RBM47: variants seen among roughly 807,000 people sequenced by gnomAD.
RBM47 encodes RNA binding motif protein 47.
A neutral mutation model predicts 47.1 loss-of-function variants in RBM47; 21 were observed. That is an observed-to-expected ratio of 0.45 (90% CI 0.32 to 0.64). The LOEUF (loss-of-function observed/expected upper bound fraction) is 0.64. Ranked by LOEUF, RBM47 falls within the 30% of genes least tolerant of loss-of-function variation. The probability of loss-of-function intolerance (pLI) is 0.05; values close to 1 mark genes in which losing one functional copy is unlikely to be tolerated. For synonymous variants in RBM47, 375 were observed against 361.7 expected, an observed-to-expected ratio of 1.04 and a Z score of -0.42; for missense variants, 708 against 870.9, an observed-to-expected ratio of 0.81 and a Z score of 2.35.
intron 2 of RBM47, among the ~76,000 whole-genome samples, chr4:40,474,416 A>G (rs1719328796): frequency 6.6e-6 from 1 of 152,214 alleles, no homozygotes; most frequent in South Asian, 2.1e-4. Flanking sequence ...GATCTTGAGA[A>G]TGGCAGACGT....
At position 40,427,540 on chromosome 4, in the gene RBM47, T is replaced by C. The variant is rs549745323; in HGVS notation, c.1543-1397A>G. The C allele has an allele frequency of 7.9e-5, 12 of 152,320 alleles. No homozygotes were observed. In the East Asian group the frequency reaches 2.3e-3, roughly 29 times the overall value. The allele number at this position is 152,320 out of a possible 1,614,324, so 9.4% of individuals were successfully genotyped here. ...GAACTAGTTCTGTGAGATGCTTCAT[T>C]GAAAAGAGATTCTGAATAAAATAAA... On this transcript the variant is annotated intron_variant, in intron 6 of 6. Coordinates refer to ENST00000295971, the MANE Select transcript of RBM47 (RefSeq NM_001098634.2).
intron 2 of RBM47, among the ~76,000 whole-genome samples, chr4:40,533,196 G>A (rs539251647): frequency 1.3e-5 from 2 of 152,306 alleles, no homozygotes; most frequent in Admixed American, 6.5e-5. Context: ...CACTCTGGGA[G>A]ACCAAGGTAG....
In RBM47 at chr4:40,526,989, C is replaced by T. The variant is rs76775907; in HGVS notation, c.-155+17433G>A. ...TAGTACAAAACCTCACCAGGTTTGA[C>T]GAAGGCAACTACCTCTCCATCTGAC... On this transcript the variant is annotated intron_variant, in intron 2 of 6. Transcript: ENST00000295971. Among the ~76,000 whole-genome samples the T allele has an allele frequency of 6.1e-3, 925 of 152,052 alleles. 8 individuals carry two copies. Among genetic ancestry groups the T allele is most frequent in the African/African-American group, 0.018 (731 of 41,486 alleles).
rs576507134 is a variant in RBM47 at position 40,479,812 on chromosome 4, T to C, written c.-154-13113A>G. Among the ~76,000 whole-genome samples, 45 of 151,806 alleles carry C rather than the reference T, an allele frequency of 3.0e-4. No individual in the cohort carries two copies. In the South Asian group the frequency reaches 9.4e-3, roughly 32 times the overall value. On this transcript the variant is annotated intron_variant, in intron 2 of 6. Coordinates refer to ENST00000295971, the MANE Select transcript of RBM47 (RefSeq NM_001098634.2). ...CATTGTGCCCAGAGGTACAACTGTT[T>C]TAAAGATTAAAATTATTCATCACAT...
In RBM47 at chr4:40,479,429, C is replaced by G. The variant is rs1052959908; in HGVS notation, c.-154-12730G>C. 2.0e-5 allele frequency among the ~76,000 whole-genome samples: 3 copies of G among 151,750 alleles called. No individual in the cohort carries two copies. The East Asian group carries it at 5.9e-4, about 30-fold the overall frequency. ...ACCAGCCTGGGGAACATAGTGAGAC[C>G]CCATCTCTACAAATAATAAAAAAAT... On this transcript the variant is annotated intron_variant, in intron 2 of 6. Coordinates refer to ENST00000295971, the MANE Select transcript of RBM47 (RefSeq NM_001098634.2).
At chr4:40,545,666 A>AAAATAAATTAAATAAAT (rs1728963383) in intron 1 of RBM47, among the ~76,000 whole-genome samples, 2 of 133,606 alleles carry the variant, frequency 1.5e-5, no homozygotes, top group Non-Finnish European at 3.2e-5. Context: ...CTCCTTCTCA[A>AAAATAAATTAAATAAAT]AAATAAATAA....
chr4:40,550,619 A>C (rs965914800), intron 1 of RBM47, among the ~76,000 whole-genome samples: 108 of 152,204 alleles, frequency 7.1e-4, no homozygotes, highest in South Asian at 6.6e-3. Context: ...GAGTTTCACC[A>C]TGTGGGCCAG....
intron 2 of RBM47, among the ~76,000 whole-genome samples, chr4:40,472,427 A>G (rs939354371): frequency 3.9e-5 from 6 of 152,104 alleles, no homozygotes; most frequent in African/African-American, 4.8e-5. Context: ...ACAAAAAATT[A>G]GCCAGGCATG....
chr4:40,430,201 C>A (rs1715741728), intron 6 of RBM47, among the ~76,000 whole-genome samples: 1 of 121,980 alleles, frequency 8.2e-6, no homozygotes, highest in Non-Finnish European at 1.6e-5. Flanking sequence ...TCGCAAAAAA[C>A]AAACAAACAA....
At chr4:40,570,708 A>G (rs1485150101) in intron 1 of RBM47, among the ~76,000 whole-genome samples, 1 of 152,100 alleles carries the variant, frequency 6.6e-6, no homozygotes, top group East Asian at 1.9e-4. Context: ...TAAATACTGC[A>G]TAAAATAATC....
intron 2 of RBM47, among the ~76,000 whole-genome samples, chr4:40,484,747 T>A (rs997374218): frequency 6.6e-6 from 1 of 152,224 alleles, no homozygotes; most frequent in Non-Finnish European, 1.5e-5. Flanking sequence ...TTTTCCTTTG[T>A]AACTCTCTTC....
intron 2 of RBM47, among the ~76,000 whole-genome samples, chr4:40,530,372 T>C (rs187571724): frequency 6.6e-6 from 1 of 152,138 alleles, no homozygotes; most frequent in Non-Finnish European, 1.5e-5. Context: ...GGTACAATCT[T>C]AGCTCACTGC....
intron 2 of RBM47, among the ~76,000 whole-genome samples, chr4:40,497,347 G>C (rs1722741602): frequency 6.6e-6 from 1 of 152,076 alleles, no homozygotes; most frequent in Non-Finnish European, 1.5e-5. Flanking sequence ...GGCCGGGCAT[G>C]GTGGCTCAAG....
rs1715003038 is a variant in RBM47 at position 40,426,136 on chromosome 4, G to T, written c.1550C>A (p.Pro517Gln). ...AGCCACCGTGTATACTGGAGTTATTGGGCGGCCCTGAGGAGAAGAGACAAA... is the reference window on the plus strand; with the variant it reads ...AGCCACCGTGTATACTGGAGTTATTTGGCGGCCCTGAGGAGAAGAGACAAA... ...VSTPPPFQGR[P>Q]ITPVYTVAPN... The change falls in exon 7 of 7, where the codon CCA becomes CAA. Residue 517 changes from proline (P) to glutamine (Q), a missense_variant. Pro to Gln is a moderately conservative substitution (Grantham distance 76). Coordinates refer to ENST00000295971, the MANE Select transcript of RBM47 (RefSeq NM_001098634.2). 1.9e-6 allele frequency: 3 copies of T among 1,613,956 alleles called. No homozygotes were observed. Among genetic ancestry groups the T allele is most frequent in the Non-Finnish European group, 2.5e-6 (3 of 1,179,948 alleles).
intron 2 of RBM47, among the ~76,000 whole-genome samples, chr4:40,485,333 G>A (rs561005925): frequency 6.6e-6 from 1 of 152,208 alleles, no homozygotes; most frequent in South Asian, 2.1e-4. Flanking sequence ...CCTGTTTGGT[G>A]AACAACTCTG....
At chr4:40,497,839 C>A (rs114827610) in intron 2 of RBM47, among the ~76,000 whole-genome samples, 1,773 of 148,366 alleles carry the variant, frequency 0.012, 42 homozygotes, top group African/African-American at 0.042. Flanking sequence ...AAAAATTAGT[C>A]AGGTGTGGTG....
At chr4:40,623,193 G>A (rs1175826011) in intron 1 of RBM47, among the ~76,000 whole-genome samples, 1 of 152,148 alleles carries the variant, frequency 6.6e-6, no homozygotes, top group African/African-American at 2.4e-5. Flanking sequence ...TTACTCATTG[G>A]CAAACTGACA....
chr4:40,536,248 C>T (rs1727968650), intron 2 of RBM47, among the ~76,000 whole-genome samples: 1 of 152,196 alleles, frequency 6.6e-6, no homozygotes, highest in Non-Finnish European at 1.5e-5. Flanking sequence ...GCAGCAACCA[C>T]TGACACACTT....
At chr4:40,453,227 AG>A (rs142158025) in intron 3 of RBM47, among the ~76,000 whole-genome samples, 2,393 of 152,306 alleles carry the variant, frequency 0.016, 34 homozygotes, top group African/African-American at 0.041. Flanking sequence ...AATGGGTGGG[AG>A]GGAACATAAA....
Sources: allele counts gnomAD v4.1 joint callset (sites outside exome capture counted in the v4.1 genomes callset), GRCh38; gene constraint gnomAD v4.1.1; transcripts MANE v1.5; gene names NCBI Gene and HGNC (gene_info 2026-07-23, HGNC 2026-07-21).